MOB1B: variants seen among roughly 807,000 people sequenced by gnomAD.
MOB1B encodes MOB kinase activator 1B.
MOB1B carries 19 observed loss-of-function variants against 24.4 expected under a neutral mutation model. The ratio of observed to expected loss-of-function variants is 0.78; its 90% CI spans 0.54 to 1.14. MOB1B has a LOEUF of 1.14. Ranked by LOEUF, MOB1B falls within the 50% of genes most tolerant of loss-of-function variation. The pLI is 0.00. For synonymous variants in MOB1B, 76 were observed against 82.1 expected, an observed-to-expected ratio of 0.93 and a Z score of 0.40; for missense variants, 243 against 259.6, an observed-to-expected ratio of 0.94 and a Z score of 0.44.
intron 1 of MOB1B, chr4:70,950,662 G>T: frequency 8.9e-7 from 1 of 1,117,488 alleles, no homozygotes; most frequent in Non-Finnish European, 1.3e-6. Context: ...TGCGGTAAAT[G>T]TTAGTTAATA....
At chr4:70,978,060 C>T (rs533696180) in intron 4 of MOB1B, among the ~76,000 whole-genome samples, 35 of 152,274 alleles carry the variant, frequency 2.3e-4, no homozygotes, top group African/African-American at 8.2e-4. Flanking sequence ...GTTCATTTTA[C>T]GTATCTGCTA....
intron 1 of MOB1B, among the ~76,000 whole-genome samples, chr4:70,956,808 AT>A (rs1258248054): frequency 6.6e-6 from 1 of 152,152 alleles, no homozygotes; most frequent in Non-Finnish European, 1.5e-5. Flanking sequence ...TTTAATTCTA[AT>A]TAAACACCTA....
At chr4:70,957,128 T>A (rs1452327105) in intron 1 of MOB1B, among the ~76,000 whole-genome samples, 2 of 150,188 alleles carry the variant, frequency 1.3e-5, no homozygotes, top group East Asian at 3.9e-4. Flanking sequence ...GAATTCCACT[T>A]CCGTATTCAT....
At chr4:70,962,400 A>C (rs1738341252) in intron 2 of MOB1B, among the ~76,000 whole-genome samples, 1 of 152,228 alleles carries the variant, frequency 6.6e-6, no homozygotes, top group Non-Finnish European at 1.5e-5. Context: ...CCATATAAAT[A>C]GGCAGCTGAT....
chr4:70,942,306 A>G (rs1267900247), intron 1 of MOB1B, among the ~76,000 whole-genome samples: 2 of 152,144 alleles, frequency 1.3e-5, no homozygotes, highest in South Asian at 2.1e-4. Flanking sequence ...TTAATATTCT[A>G]GTGGTCTATT....
intron 1 of MOB1B, among the ~76,000 whole-genome samples, chr4:70,946,563 T>C (rs1481583811): frequency 1.3e-5 from 2 of 152,202 alleles, no homozygotes; most frequent in Non-Finnish European, 2.9e-5. Context: ...GGGTATTTTA[T>C]TTATACGCAT....
intron 1 of MOB1B, among the ~76,000 whole-genome samples, chr4:70,941,562 C>T (rs1206518110): frequency 1.3e-5 from 2 of 151,916 alleles, no homozygotes; most frequent in African/African-American, 2.4e-5. Flanking sequence ...AGGATGGTCT[C>T]GATCTCCTGA....
rs139462053 is a variant in MOB1B, at chr4:70,920,655, A to C, written c.14+18105A>C. The stretch of plus-strand genomic sequence containing the variant: ...GGTAAGAAATTCTTACCCTTTTGCC[A>C]GCATGCCAGTTTTCTGGGTTCTCTC... On this transcript the variant is annotated intron_variant, in intron 1 of 5. Transcript: ENST00000309395. 2.3e-3 allele frequency among the ~76,000 whole-genome samples: 343 copies of C among 152,326 alleles called. 3 individuals carry two copies. Among genetic ancestry groups the C allele is most frequent in the African/African-American group, 7.8e-3 (326 of 41,576 alleles).
intron 3 of MOB1B, among the ~76,000 whole-genome samples, chr4:70,971,983 C>T (rs562306654): frequency 6.6e-6 from 1 of 151,004 alleles, no homozygotes; most frequent in South Asian, 2.1e-4. Flanking sequence ...CTCTTCTTGT[C>T]TTTCCTCCCT....
chr4:70,957,103 T>G (rs1264231624), intron 1 of MOB1B, among the ~76,000 whole-genome samples: 5 of 149,750 alleles, frequency 3.3e-5, no homozygotes, highest in Admixed American at 1.3e-4. Flanking sequence ...TTTATGTGTT[T>G]TTTTTTTTTT....
At chr4:70,938,250 C>T (rs1737164134) in intron 1 of MOB1B, among the ~76,000 whole-genome samples, 1 of 136,938 alleles carries the variant, frequency 7.3e-6, no homozygotes. Flanking sequence ...AGGTTATTTC[C>T]TTGAAGAACT....
At chr4:70,955,856 T>C (rs1377835029) in intron 1 of MOB1B, among the ~76,000 whole-genome samples, 1 of 151,994 alleles carries the variant, frequency 6.6e-6, no homozygotes, top group Non-Finnish European at 1.5e-5. Flanking sequence ...ATATGTCTAT[T>C]TATATTATTA....
At chr4:70,976,941 T>C (rs1739031237) in intron 4 of MOB1B, among the ~76,000 whole-genome samples, 2 of 152,000 alleles carry the variant, frequency 1.3e-5, no homozygotes, top group African/African-American at 4.8e-5. Flanking sequence ...TTCATCCAGA[T>C]TCTTAGTCGT....
At chr4:70,974,929 G>A (rs1316375401) in intron 3 of MOB1B, among the ~76,000 whole-genome samples, 1 of 152,182 alleles carries the variant, frequency 6.6e-6, no homozygotes, top group Non-Finnish European at 1.5e-5. Context: ...ATGGACATGT[G>A]AGGAGAGCAT....
rs1380854271 is a variant in MOB1B at position 70,982,836 on chromosome 4, T to C, written c.*779T>C. On this transcript the variant is annotated 3_prime_UTR_variant, in exon 6 of 6. Transcript: ENST00000309395. Reference sequence around the variant, plus strand: ...TGTAGATGTAAAAATTCAGGTTATATATAGGATTGCCATCTTCAGAGGTGA... The same window carrying C: ...TGTAGATGTAAAAATTCAGGTTATACATAGGATTGCCATCTTCAGAGGTGA... 12 of 152,574 alleles carry C rather than the reference T, an allele frequency of 7.9e-5. No individual in the cohort carries two copies. The highest frequency in any genetic ancestry group is 7.4e-5 in the Non-Finnish European group (5 of 68,016). 9.5% of individuals were successfully genotyped at this position (152,574 alleles called of 1,614,324 possible).
intron 1 of MOB1B, among the ~76,000 whole-genome samples, chr4:70,931,827 C>T (rs1336084971): frequency 1.3e-5 from 2 of 152,106 alleles, no homozygotes; most frequent in African/African-American, 2.4e-5. Context: ...AACTCGTGGG[C>T]TCAAGCAATC....
chr4:70,978,183 T>G (rs888948748), intron 4 of MOB1B, among the ~76,000 whole-genome samples: 1 of 152,230 alleles, frequency 6.6e-6, no homozygotes, highest in Non-Finnish European at 1.5e-5. Flanking sequence ...TTATACAATA[T>G]TTTTCTTTTT....
chr4:70,970,543 G>T (rs1361355676), intron 3 of MOB1B, among the ~76,000 whole-genome samples: 2 of 152,078 alleles, frequency 1.3e-5, no homozygotes, highest in Non-Finnish European at 2.9e-5. Flanking sequence ...TTTGGTGCAA[G>T]GACAGAGCTT....
intron 1 of MOB1B, among the ~76,000 whole-genome samples, chr4:70,946,041 C>A (rs1455095779): frequency 1.5e-5 from 2 of 136,208 alleles, no homozygotes; most frequent in African/African-American, 5.5e-5. Context: ...CATTGAATGT[C>A]TTTTGCAGGC....
Sources: gnomAD v4.1 joint callset for allele counts (sites outside exome capture counted in the v4.1 genomes callset) on GRCh38, gnomAD v4.1.1 for gene constraint, MANE v1.5 for transcripts, NCBI Gene and HGNC (gene_info 2026-07-23, HGNC 2026-07-21) for gene names.